The following IL1RAPL2 variants were observed in gnomAD, a reference collection of about 807,000 sequenced individuals.
IL1RAPL2 encodes X-linked interleukin-1 receptor accessory protein-like 2.
IL1RAPL2 carries 3 observed loss-of-function variants against 44.1 expected under a neutral mutation model. That is an observed-to-expected ratio of 0.07 (90% CI 0.03 to 0.18). IL1RAPL2 has a LOEUF of 0.18. Ranked by LOEUF, IL1RAPL2 falls within the 10% of genes least tolerant of loss-of-function variation. The pLI is 1.00. For synonymous variants in IL1RAPL2, 181 were observed against 178.8 expected, an observed-to-expected ratio of 1.01 and a Z score of -0.10; for missense variants, 391 against 496.4, an observed-to-expected ratio of 0.79 and a Z score of 2.02.
intron 2 of IL1RAPL2, among the ~76,000 whole-genome samples, chrX:104,741,657 A>G (rs1360530589): frequency 9.0e-6 from 1 of 111,006 alleles, no homozygotes; most frequent in East Asian, 2.8e-4. Context: ...ACTTAAAAAC[A>G]TGTCAACCAG....
intron 1 of IL1RAPL2, among the ~76,000 whole-genome samples, chrX:104,609,972 C>A (rs1421818442): frequency 8.9e-6 from 1 of 112,065 alleles, no homozygotes; most frequent in African/African-American, 3.2e-5. Context: ...GCTGGTTTCT[C>A]CCCATCTTTG....
At chrX:105,254,024 T>C (rs1413370537) in intron 4 of IL1RAPL2, among the ~76,000 whole-genome samples, 1 of 111,816 alleles carries the variant, frequency 8.9e-6, no homozygotes, top group Non-Finnish European at 1.9e-5. Flanking sequence ...TATGTATGTG[T>C]CTTTATGGTA....
At chrX:105,684,632 TCTGCAGACTTAAACATC>T (rs1290964758) in intron 6 of IL1RAPL2, among the ~76,000 whole-genome samples, 1 of 112,381 alleles carries the variant, frequency 8.9e-6, no homozygotes, top group Non-Finnish European at 1.9e-5. Context: ...GCAGACAACT[TCTGCAGACTTAAACATC>T]CCTGTCTGAC....
chrX:104,929,469 C>T (rs1377658298), intron 2 of IL1RAPL2, among the ~76,000 whole-genome samples: 1 of 111,762 alleles, frequency 8.9e-6, no homozygotes, highest in East Asian at 2.8e-4. Context: ...CTTTGCTTGC[C>T]AATGTCAACA....
rs182800811 is a variant in IL1RAPL2, at chrX:104,932,708, C to T, written c.83-262767C>T. ...TCTATTAAGTCAAGTTCTGTATGGT[C>T]GGAGTTTAAGGCAAAGAGTTAAGCT... On this transcript the variant is annotated intron_variant, in intron 2 of 10. Coordinates refer to ENST00000372582, the MANE Select transcript of IL1RAPL2 (RefSeq NM_017416.2). Among the ~76,000 whole-genome samples the T allele has an allele frequency of 1.5e-3, 166 of 111,895 alleles. 1 individual carries two copies. The highest frequency in any genetic ancestry group is 4.9e-3 in the African/African-American group (150 of 30,827).
At chrX:105,220,526 T>G (rs1301928604) in intron 3 of IL1RAPL2, 4 of 623,385 alleles carry the variant, frequency 6.4e-6, no homozygotes, top group Admixed American at 4.1e-5. Context: ...CTACCCGCTC[T>G]GACAAGACCG....
At chrX:104,916,336 G>A (rs1465044212) in intron 2 of IL1RAPL2, among the ~76,000 whole-genome samples, 2 of 111,583 alleles carry the variant, frequency 1.8e-5, no homozygotes, top group Non-Finnish European at 3.8e-5. Flanking sequence ...AAGCAATTGT[G>A]AATGGGAGTT....
chrX:104,964,450 T>A (rs1358564139), intron 2 of IL1RAPL2, among the ~76,000 whole-genome samples: 1 of 109,512 alleles, frequency 9.1e-6, no homozygotes. Flanking sequence ...TAGCTGGGAC[T>A]ACAGGCGCCC....
intron 1 of IL1RAPL2, among the ~76,000 whole-genome samples, chrX:104,613,180 A>T (rs1374827031): frequency 1.8e-5 from 2 of 111,328 alleles, no homozygotes; most frequent in East Asian, 5.6e-4. Flanking sequence ...CTCTTGTCTG[A>T]TTGATATGGC....
intron 5 of IL1RAPL2, among the ~76,000 whole-genome samples, chrX:105,401,054 C>T (rs1325354241): frequency 9.0e-6 from 1 of 111,283 alleles, no homozygotes; most frequent in Non-Finnish European, 1.9e-5. Context: ...TGGCAGAAGG[C>T]AGAAGATCAA....
intron 6 of IL1RAPL2, among the ~76,000 whole-genome samples, chrX:105,717,152 G>T (rs1265209157): frequency 9.0e-6 from 1 of 111,631 alleles, no homozygotes; most frequent in Non-Finnish European, 1.9e-5. Context: ...GAGTAACTTT[G>T]TATTCCCACT....
At chrX:105,643,195 G>T (rs1002628028) in intron 6 of IL1RAPL2, among the ~76,000 whole-genome samples, 1 of 111,989 alleles carries the variant, frequency 8.9e-6, no homozygotes, top group Non-Finnish European at 1.9e-5. Context: ...ACAGCTGCAG[G>T]TGTTTGTAAC....
intron 8 of IL1RAPL2, among the ~76,000 whole-genome samples, chrX:105,747,861 C>T (rs1289300218): frequency 9.0e-6 from 1 of 110,605 alleles, no homozygotes; most frequent in Non-Finnish European, 1.9e-5. Flanking sequence ...TTTCCAGTTA[C>T]ATGGTAAGCT....
intron 2 of IL1RAPL2, among the ~76,000 whole-genome samples, chrX:104,667,897 A>G (rs1398088092): frequency 9.0e-6 from 1 of 111,458 alleles, no homozygotes; most frequent in Non-Finnish European, 1.9e-5. Context: ...TATCAAGGAG[A>G]TATTATTTTC....
At chrX:105,287,316 AG>A (rs896863895) in intron 5 of IL1RAPL2, among the ~76,000 whole-genome samples, 1 of 111,506 alleles carries the variant, frequency 9.0e-6, no homozygotes, top group African/African-American at 3.3e-5. Flanking sequence ...TGCCCTGTAG[AG>A]GGATCATGGT....
chrX:105,595,398 T>C (rs940775922), intron 6 of IL1RAPL2, among the ~76,000 whole-genome samples: 1 of 111,832 alleles, frequency 8.9e-6, no homozygotes, highest in African/African-American at 3.3e-5. Context: ...CTAATGATCA[T>C]ATTATTGAGG....
intron 2 of IL1RAPL2, among the ~76,000 whole-genome samples, chrX:104,842,349 AGAG>A (rs1333057974): frequency 9.0e-6 from 1 of 110,701 alleles, no homozygotes; most frequent in Non-Finnish European, 1.9e-5. Flanking sequence ...CCTTTAGCTC[AGAG>A]GAGTTTATTA....
intron 2 of IL1RAPL2, among the ~76,000 whole-genome samples, chrX:104,895,951 A>C (rs1923631364): frequency 2.7e-5 from 3 of 111,976 alleles, no homozygotes; most frequent in Admixed American, 1.9e-4. Flanking sequence ...ACTCTTTGGC[A>C]GCAGTGACTC....
intron 2 of IL1RAPL2, among the ~76,000 whole-genome samples, chrX:105,086,452 A>G (rs1331027750): frequency 9.0e-6 from 1 of 111,553 alleles, no homozygotes; most frequent in Non-Finnish European, 1.9e-5. Context: ...ATAGAGCCAG[A>G]GAGTAGAATG....
Sources: allele counts gnomAD v4.1 joint callset (sites outside exome capture counted in the v4.1 genomes callset), GRCh38; gene constraint gnomAD v4.1.1; transcripts MANE v1.5; gene names NCBI Gene and HGNC (gene_info 2026-07-23, HGNC 2026-07-21).